Variants in DPH1 observed in about 807,000 individuals in gnomAD.
DPH1 encodes the protein diphthamide biosynthesis 1, also known as 2-(3-amino-3-carboxypropyl)histidine synthase subunit 1.
Under a neutral mutation model 55.3 loss-of-function variants are expected in DPH1, and 59 were observed. The observed-to-expected ratio is 1.07, with a 90% confidence interval of 0.87 to 1.33. The LOEUF (loss-of-function observed/expected upper bound fraction) is 1.33. Among genes scored for constraint, DPH1 ranks in the 40% most tolerant of loss-of-function variants. The pLI is 0.00. For missense variants in DPH1, 628 were observed against 584.8 expected (o/e 1.07, Z -0.76); for synonymous variants, 238 against 235.5 (o/e 1.01, Z -0.10).
chr17:2,041,890 T>G lies in DPH1; in HGVS notation c.*18+15T>G. ...CCGGGCCTCAGGTATCAGCCCCCGC[T>G]CTGGGTGCGCCCCGCCTTTTGCCGT... On this transcript the variant is annotated intron_variant, in intron 12 of 12. Coordinates refer to ENST00000263083, the MANE Select transcript of DPH1 (RefSeq NM_001383.6). 1 of 1,557,722 alleles carries G rather than the reference T, an allele frequency of 6.4e-7. No individual in the cohort carries two copies. Among genetic ancestry groups the G allele is most frequent in the Non-Finnish European group, 8.6e-7 (1 of 1,156,144 alleles).
At chr17:2,033,461 T>C (rs72809541) in intron 1 of DPH1, 44 bp from the exon 2 acceptor site, 41,279 of 1,612,806 alleles carry the variant, frequency 0.026, 710 homozygotes, top group Non-Finnish European at 0.028. Context: ...CAATCTGGCT[T>C]CAGCCAAAGA....
At position 2,041,090 on chromosome 17, in the gene DPH1, C is replaced by T. The variant is rs2067512845; in HGVS notation, c.1008-13C>T. On this transcript the variant is annotated splice_polypyrimidine_tract_variant and intron_variant, in intron 9 of 12. Coordinates refer to ENST00000263083, the MANE Select transcript of DPH1 (RefSeq NM_001383.6). The stretch of plus-strand genomic sequence containing the variant: ...AGGCCCTTCCTAGGGTCTGACCTGG[C>T]TTCCCTTCCCAGGTGGGTGCAGGTG... 1.3e-6 allele frequency: 2 copies of T among 1,592,864 alleles called. No individual in the cohort carries two copies. Among genetic ancestry groups the T allele is most frequent in the East Asian group, 2.3e-5 (1 of 44,346 alleles).
chr17:2,043,138 C>T lies in DPH1; in HGVS notation c.*552C>T, dbSNP rs1235456378. On this transcript the variant is annotated 3_prime_UTR_variant, in exon 13 of 13. Coordinates refer to ENST00000263083, the MANE Select transcript of DPH1 (RefSeq NM_001383.6). ...GAAATGTCTCTGCTCCTACATCCAGCTCCTCTAGGGGCAGCCTCCGTCATC... is the reference window on the plus strand; with the variant it reads ...GAAATGTCTCTGCTCCTACATCCAGTTCCTCTAGGGGCAGCCTCCGTCATC... The T allele has an allele frequency of 4.4e-6, 7 of 1,598,776 alleles. No homozygotes were observed. The highest frequency in any genetic ancestry group is 3.4e-5 in the South Asian group (3 of 89,498).
At chr17:2,032,819 C>T (rs1380100142) in intron 1 of DPH1, among the ~76,000 whole-genome samples, 1 of 152,252 alleles carries the variant, frequency 6.6e-6, no homozygotes, top group Non-Finnish European at 1.5e-5. Context: ...TCTCGGCTCA[C>T]TGCAAGCTCC....
chr17:2,042,020 G>C (rs1234551510), intron 12 of DPH1, 145 bp downstream of exon 12: 2 of 1,496,548 alleles, frequency 1.3e-6, no homozygotes, highest in Non-Finnish European at 8.9e-7. Flanking sequence ...ACCGCTTCCG[G>C]TGCTTCCGTC....
intron 1 of DPH1, among the ~76,000 whole-genome samples, chr17:2,031,340 T>C (rs1418463985): frequency 1.3e-5 from 2 of 151,960 alleles, no homozygotes; most frequent in Non-Finnish European, 2.9e-5. Context: ...GCGGGCGGAT[T>C]ACCTGAGGTC....
At chr17:2,041,913 C>T (rs2067536720) in intron 12 of DPH1, 38 bp downstream of exon 12, 3 of 1,542,210 alleles carry the variant, frequency 1.9e-6, no homozygotes, top group Non-Finnish European at 2.6e-6. Flanking sequence ...CGCCTTTTGC[C>T]GTTGTCATGG....
chr17:2,034,526 C>G (rs1436068929), intron 3 of DPH1, among the ~76,000 whole-genome samples: 2 of 100,178 alleles, frequency 2.0e-5, no homozygotes, highest in East Asian at 3.8e-4. Context: ...CTCCCCTGCT[C>G]CCCCATCCCC....
Position 2,037,000 on chromosome 17 carries a change from G to A in DPH1, c.680+44G>A. 1.3e-6 allele frequency: 2 copies of A among 1,588,602 alleles called. No homozygotes were observed. The highest frequency in any genetic ancestry group is 1.7e-6 in the Non-Finnish European group (2 of 1,168,238). ...CCAAGTAAGTCCTAGAGACATGCGT[G>A]TACCCTGGGAGGGAGCCTGAGGTTC... On this transcript the variant is annotated intron_variant, in intron 6 of 12. Coordinates refer to ENST00000263083, the MANE Select transcript of DPH1 (RefSeq NM_001383.6). The surrounding 1 kb of genome is among the most constrained non-coding windows in gnomAD (Gnocchi z 4.8).
intron 3 of DPH1, among the ~76,000 whole-genome samples, chr17:2,035,496 A>AGGGAGG (rs1567543953): frequency 2.2e-5 from 1 of 46,198 alleles, no homozygotes; most frequent in Non-Finnish European, 4.4e-5. Context: ...TGTGGTGGGG[A>AGGGAGG]GGGGGTGGGG....
rs2067421469 is a variant in DPH1, at chr17:2,036,189, G to A, written c.400+98G>A. 1.3e-6 allele frequency: 2 copies of A among 1,527,640 alleles called. No individual in the cohort carries two copies. The highest frequency in any genetic ancestry group is 1.8e-6 in the Non-Finnish European group (2 of 1,135,860). The allele number at this position is 1,527,640 out of a possible 1,614,324, so 94.6% of individuals were successfully genotyped here. A position where few individuals can be genotyped will look rare whatever the true frequency, so the allele number is the denominator to read the frequency against. ...TGGCAGTGCCTTCTTGTCCTGCTTG[G>A]AGACACAAGGTCCCTCCTGGTTTCT... is the stretch of plus-strand genomic sequence containing the variant. On this transcript the variant is annotated intron_variant, in intron 4 of 12. Transcript: ENST00000263083. The surrounding 1 kb of genome is among the most constrained non-coding windows in gnomAD (Gnocchi z 4.8).
intron 3 of DPH1, among the ~76,000 whole-genome samples, chr17:2,034,261 T>C (rs1354517406): frequency 6.6e-6 from 1 of 151,912 alleles, no homozygotes; most frequent in Non-Finnish European, 1.5e-5. Context: ...AGGGCAAGGA[T>C]GGGTTTGGAG....
chr17:2,042,747 G>A lies in DPH1; in HGVS notation c.*161G>A. The A allele has an allele frequency of 6.2e-7, 1 of 1,603,044 alleles. No individual in the cohort carries two copies. ...TGGTGGCACAGGCACTGAACAGGCT[G>A]GGGCCTTTTGACGGCCTTCTTGGTT... On this transcript the variant is annotated 3_prime_UTR_variant, in exon 13 of 13. Transcript: ENST00000263083.
chr17:2,036,823 T>C lies in DPH1; in HGVS notation c.559-12T>C, dbSNP rs2067434170. The C allele has an allele frequency of 6.2e-7, 1 of 1,613,072 alleles. No individual in the cohort carries two copies. Among genetic ancestry groups the C allele is most frequent in the Non-Finnish European group, 8.5e-7 (1 of 1,179,660 alleles). On this transcript the variant is annotated splice_polypyrimidine_tract_variant and intron_variant, in intron 5 of 12. Coordinates refer to ENST00000263083, the MANE Select transcript of DPH1 (RefSeq NM_001383.6). This position sits in a 1 kb window ranked among gnomAD's most constrained non-coding sequence, Gnocchi z 4.8. The stretch of plus-strand genomic sequence containing the variant: ...CCAGCCGCTGGCTTCACTTCCCTCG[T>C]CATTCCTACAGGCAGCCGCCCAGGA...
In DPH1 at chr17:2,041,590, C is replaced by A. The variant is rs2067525230; in HGVS notation, c.1196C>A (p.Pro399His). ...GTGAACCACGGCCAGGACCGCCGTC[C>A]CCACGCCCCGGGCCGGCCCGCGCGG... The part of the protein sequence containing the change: ...WTVNHGQDRR[P>H]HAPGRPARGK... The change falls in exon 11 of 13, where the codon CCC (proline) becomes CAC (histidine). Residue 399 changes from proline to histidine, a missense_variant. Physicochemically the swap from Pro to His is moderately conservative, Grantham distance 77. Transcript: ENST00000263083. The A allele has an allele frequency of 1.9e-6, 3 of 1,609,732 alleles. No individual in the cohort carries two copies. Among genetic ancestry groups the A allele is most frequent in the African/African-American group, 2.7e-5 (2 of 74,866 alleles).
intron 1 of DPH1, 129 bp from the exon 2 acceptor site, chr17:2,033,376 G>A (rs1439318131): frequency 6.9e-7 from 1 of 1,442,032 alleles, no homozygotes; most frequent in Non-Finnish European, 9.4e-7. Flanking sequence ...TTTTTCTTGA[G>A]ATGACTCAAA....
At chr17:2,042,454 C>T in intron 12 of DPH1, 151 bp from the exon 13 acceptor site, 1 of 1,291,168 alleles carries the variant, frequency 7.7e-7, no homozygotes, top group Non-Finnish European at 1.0e-6. Flanking sequence ...TCAGGCCAAT[C>T]CACTCATTTC....
Position 2,043,162 on chromosome 17 carries a change from T to G in DPH1, c.*576T>G. 4 of 1,559,442 alleles carry G rather than the reference T, an allele frequency of 2.6e-6. No individual in the cohort carries two copies. Among genetic ancestry groups the G allele is most frequent in the Non-Finnish European group, 3.5e-6 (4 of 1,149,576 alleles). ...GCTCCTCTAGGGGCAGCCTCCGTCATCCATGCCCTCCCAGGACCCTCCACT... is the reference window on the plus strand; with the variant it reads ...GCTCCTCTAGGGGCAGCCTCCGTCAGCCATGCCCTCCCAGGACCCTCCACT... On this transcript the variant is annotated 3_prime_UTR_variant, in exon 13 of 13. Transcript: ENST00000263083.
At chr17:2,041,978 G>T in intron 12 of DPH1, 103 bp downstream of exon 12, 2 of 1,499,966 alleles carry the variant, frequency 1.3e-6, no homozygotes, top group Non-Finnish European at 1.8e-6. Context: ...GTTCGGTTCC[G>T]CCCCGTGCAT....
Sources: allele counts gnomAD v4.1 joint callset (sites outside exome capture counted in the v4.1 genomes callset), GRCh38; gene constraint gnomAD v4.1.1; non-coding constraint Gnocchi (gnomAD v3.1); transcripts MANE v1.5; gene names NCBI Gene and HGNC (gene_info 2026-07-23, HGNC 2026-07-21).